ADGRB3: variants seen among roughly 807,000 people sequenced by gnomAD.
The protein encoded by ADGRB3 is adhesion G protein-coupled receptor B3, also known as brain-specific angiogenesis inhibitor 3.
In ADGRB3, 37 loss-of-function variants were observed where a neutral mutation model predicts 193.4. The observed-to-expected ratio is 0.19, with a 90% CI of 0.15 to 0.25. The LOEUF (loss-of-function observed/expected upper bound fraction) is 0.25. Among genes scored for constraint, ADGRB3 ranks in the 10% least tolerant of loss-of-function variants. ADGRB3 has a pLI of 1.00. For synonymous variants in ADGRB3, 690 were observed against 644.2 expected, an observed-to-expected ratio of 1.07 and a Z score of -1.08; for missense variants, 1,637 against 1,852.9, an observed-to-expected ratio of 0.88 and a Z score of 2.14.
At chr6:68,871,097 G>T (rs976724464) in intron 3 of ADGRB3, among the ~76,000 whole-genome samples, 1 of 152,118 alleles carries the variant, frequency 6.6e-6, no homozygotes, top group African/African-American at 2.4e-5. Context: ...AAGGCGGATG[G>T]AAAAGTCAGT....
intron 14 of ADGRB3, among the ~76,000 whole-genome samples, 154 bp downstream of exon 14, chr6:69,048,488 C>T (rs548917606): frequency 1.3e-5 from 2 of 151,998 alleles, no homozygotes; most frequent in African/African-American, 2.4e-5. Flanking sequence ...AACTTATTCT[C>T]GGTTTCAGAG....
intron 17 of ADGRB3, among the ~76,000 whole-genome samples, chr6:69,216,246 A>G (rs1378800096): frequency 6.6e-6 from 1 of 152,216 alleles, no homozygotes; most frequent in Non-Finnish European, 1.5e-5. Flanking sequence ...ATAGGTCTAA[A>G]CAGAACTACT....
intron 14 of ADGRB3, among the ~76,000 whole-genome samples, chr6:69,048,858 A>C (rs1191699189): frequency 6.6e-6 from 1 of 152,152 alleles, no homozygotes; most frequent in Non-Finnish European, 1.5e-5. Flanking sequence ...AAGAAAACAA[A>C]TTTGAGAAAA....
intron 17 of ADGRB3, among the ~76,000 whole-genome samples, chr6:69,130,631 CT>C (rs909535159): frequency 6.6e-6 from 1 of 150,942 alleles, no homozygotes; most frequent in Non-Finnish European, 1.5e-5. Context: ...TGGATTAAAG[CT>C]TTTTTATTGT....
chr6:68,726,824 G>A (rs548732344), intron 3 of ADGRB3, among the ~76,000 whole-genome samples: 1 of 151,460 alleles, frequency 6.6e-6, no homozygotes, highest in Non-Finnish European at 1.5e-5. Context: ...AAATTATAAA[G>A]CAGACAGGGC....
At chr6:68,976,550 G>T (rs1044475407) in intron 10 of ADGRB3, among the ~76,000 whole-genome samples, 2 of 152,044 alleles carry the variant, frequency 1.3e-5, no homozygotes, top group Non-Finnish European at 2.9e-5. Flanking sequence ...AGTAAGGAAG[G>T]CTCACCGATA....
intron 16 of ADGRB3, among the ~76,000 whole-genome samples, chr6:69,073,179 T>C (rs1772127826): frequency 6.6e-6 from 1 of 152,204 alleles, no homozygotes; most frequent in Admixed American, 6.5e-5. Context: ...TATGACCTTT[T>C]TTCAGGAAAG....
intron 4 of ADGRB3, among the ~76,000 whole-genome samples, chr6:68,931,474 G>T (rs992007037): frequency 2.6e-5 from 4 of 151,904 alleles, no homozygotes; most frequent in Non-Finnish European, 5.9e-5. Flanking sequence ...TTTCAACTTT[G>T]TTATGTAAAT....
intron 13 of ADGRB3, among the ~76,000 whole-genome samples, chr6:69,028,577 A>G (rs1171653342): frequency 6.6e-6 from 1 of 152,152 alleles, no homozygotes; most frequent in Non-Finnish European, 1.5e-5. Context: ...CTGCTGTGAA[A>G]AAAAGAGTAA....
intron 3 of ADGRB3, among the ~76,000 whole-genome samples, chr6:68,709,937 G>T (rs111976351): frequency 1.3e-5 from 2 of 152,212 alleles, no homozygotes; most frequent in African/African-American, 4.8e-5. Flanking sequence ...CTTGCCTGTG[G>T]CATTCCTTAC....
intron 11 of ADGRB3, among the ~76,000 whole-genome samples, chr6:69,011,955 G>A (rs1042420226): frequency 6.6e-6 from 1 of 152,042 alleles, no homozygotes; most frequent in African/African-American, 2.4e-5. Context: ...ATTTAGTAAA[G>A]CCACATTTGT....
intron 20 of ADGRB3, among the ~76,000 whole-genome samples, chr6:69,243,754 G>T (rs1406519847): frequency 6.6e-6 from 1 of 151,978 alleles, no homozygotes; most frequent in Non-Finnish European, 1.5e-5. Context: ...AGAAGGACCT[G>T]TAGTTGCCCT....
rs1337462551 is a variant in ADGRB3, at chr6:68,639,139, T to G, written c.464T>G (p.Phe155Cys). ...GEEDQKSFFE[F>C]LVLNKVSPSQ... ...GAAGATCAGAAATCTTTTTTTGAGT[T>G]TTTGGTATTGAACAAGGTCAGCCCA... The change falls in exon 3 of 32, where the codon TTT becomes TGT. Residue 155 changes from phenylalanine (F) to cysteine (C), a missense_variant. Around this residue, in one of 7 missense-constraint regions of ADGRB3, gnomAD observed 365 missense variants for 409.8 expected, o/e 0.89. Transcript: ENST00000370598. 3.7e-6 allele frequency: 6 copies of G among 1,614,140 alleles called. No homozygotes were observed. Among genetic ancestry groups the G allele is most frequent in the Non-Finnish European group, 5.1e-6 (6 of 1,180,026 alleles).
chr6:69,257,749 T>C (rs1766813672), intron 20 of ADGRB3, among the ~76,000 whole-genome samples: 1 of 152,218 alleles, frequency 6.6e-6, no homozygotes, highest in Non-Finnish European at 1.5e-5. Context: ...GGAGATAGCA[T>C]GAATTTTGTG....
chr6:68,991,214 T>TAA (rs1451044406), intron 10 of ADGRB3, among the ~76,000 whole-genome samples: 11 of 152,260 alleles, frequency 7.2e-5, no homozygotes, highest in Admixed American at 2.0e-4. Context: ...TCCTATGACC[T>TAA]AACAACCTAA....
intron 3 of ADGRB3, among the ~76,000 whole-genome samples, chr6:68,652,398 A>G (rs1768387404): frequency 6.6e-6 from 1 of 152,140 alleles, no homozygotes; most frequent in Non-Finnish European, 1.5e-5. Flanking sequence ...CCTGGAACAT[A>G]AACACTTTCT....
intron 3 of ADGRB3, among the ~76,000 whole-genome samples, chr6:68,923,029 G>C (rs1767086661): frequency 6.6e-6 from 1 of 152,098 alleles, no homozygotes; most frequent in Admixed American, 6.6e-5. Flanking sequence ...TAAGGGAATA[G>C]TTAAGATGGA....
intron 3 of ADGRB3, among the ~76,000 whole-genome samples, chr6:68,884,202 T>C (rs1309743964): frequency 6.6e-6 from 1 of 152,176 alleles, no homozygotes; most frequent in Non-Finnish European, 1.5e-5. Flanking sequence ...TTCACTTCCT[T>C]AGTAGGTACT....
At chr6:68,855,187 A>G (rs1031660727) in intron 3 of ADGRB3, among the ~76,000 whole-genome samples, 11 of 152,178 alleles carry the variant, frequency 7.2e-5, no homozygotes, top group African/African-American at 2.7e-4. Context: ...CTTAGTAGAT[A>G]TCAACTCCAA....
Sources: allele counts gnomAD v4.1 joint callset (sites outside exome capture counted in the v4.1 genomes callset), GRCh38; gene constraint gnomAD v4.1.1; regional missense constraint gnomAD v4.1.1; transcripts MANE v1.5; gene names NCBI Gene and HGNC (gene_info 2026-07-23, HGNC 2026-07-21).